PPIL2: variants seen among roughly 807,000 people sequenced by gnomAD.
PPIL2 encodes RING-type E3 ubiquitin-protein ligase PPIL2.
A neutral mutation model predicts 75.2 loss-of-function variants in PPIL2; 50 were observed. The observed-to-expected ratio is 0.66, with a 90% CI of 0.53 to 0.84. PPIL2 has a LOEUF of 0.84. Ranked by LOEUF, PPIL2 falls within the 40% of genes least tolerant of loss-of-function variation. The probability of loss-of-function intolerance (pLI) is 0.00; values close to 1 mark genes in which losing one functional copy is unlikely to be tolerated. For synonymous variants in PPIL2, 245 were observed against 258.8 expected, an observed-to-expected ratio of 0.95 and a Z score of 0.51; for missense variants, 590 against 685.0, an observed-to-expected ratio of 0.86 and a Z score of 1.55.
At chr22:21,669,513 T>G (rs1324704787) in intron 1 of PPIL2, 2 of 352,916 alleles carry the variant, frequency 5.7e-6, no homozygotes, top group African/African-American at 4.3e-5. Flanking sequence ...GTTTGTTTGT[T>G]TTTTTGAGAC....
At chr22:21,671,530 C>T (rs539630908) in intron 4 of PPIL2, among the ~76,000 whole-genome samples, 87 of 152,132 alleles carry the variant, frequency 5.7e-4, no homozygotes, top group African/African-American at 2.0e-3. Flanking sequence ...CTTTTTTCCC[C>T]GTGTGATTCA....
intron 6 of PPIL2, 48 bp from the exon 7 acceptor site, chr22:21,681,251 C>A: frequency 6.8e-7 from 1 of 1,477,470 alleles, no homozygotes; most frequent in South Asian, 1.1e-5. Flanking sequence ...CTGGGATGTT[C>A]ACAGCCCACA....
rs753714870 is a variant in PPIL2 at position 21,681,288 on chromosome 22, C to T, written c.296-11C>T. ...AGGTGACTGGCCTCCCTGTGTGTGCCTTCTCTCTAGGGAAGTACCACTGCC... is the reference window on the plus strand; with the variant it reads ...AGGTGACTGGCCTCCCTGTGTGTGCTTTCTCTCTAGGGAAGTACCACTGCC... On this transcript the variant is annotated splice_polypyrimidine_tract_variant and intron_variant, in intron 6 of 19. Coordinates refer to ENST00000398831, the MANE Select transcript of PPIL2 (RefSeq NM_014337.4). 6.2e-7 allele frequency: 1 copy of T among 1,606,916 alleles called. No individual in the cohort carries two copies. The highest frequency in any genetic ancestry group is 8.5e-7 in the Non-Finnish European group (1 of 1,173,564).
intron 6 of PPIL2, among the ~76,000 whole-genome samples, chr22:21,680,859 C>CAA (rs1226445512): frequency 7.6e-6 from 1 of 132,250 alleles, no homozygotes; most frequent in African/African-American, 2.8e-5. Context: ...AAAAACAGAG[C>CAA]AAAACAAAAA....
chr22:21,688,877 C>T, intron 15 of PPIL2, 28 bp downstream of exon 15: 1 of 1,599,462 alleles, frequency 6.3e-7, no homozygotes, highest in Non-Finnish European at 8.6e-7. Flanking sequence ...GCTGGGGTGG[C>T]CTGGGAGGTG....
rs1305894002 is a variant in PPIL2 at position 21,696,738 on chromosome 22, A to G, written c.*1248A>G. 2 of 1,539,180 alleles carry G rather than the reference A, an allele frequency of 1.3e-6. No individual in the cohort carries two copies. The highest frequency in any genetic ancestry group is 1.7e-6 in the Non-Finnish European group (2 of 1,146,644). ...TCATTTTTGTTGCCCCAAATCTTGA[A>G]CCTGTCAGCAACTTGCAGGCTGTAC... On this transcript the variant is annotated 3_prime_UTR_variant, in exon 20 of 20. Transcript: ENST00000398831.
In PPIL2 at chr22:21,682,501, C is replaced by G; in HGVS notation, c.452C>G (p.Ser151Cys). ...GACCTGCTGACCGACGAGCCCTTCT[C>G]CCGGCAGGACATCATCACCCTCCAG... ...FRDLLTDEPF[S>C]RQDIITLQDP... The change falls in exon 8 of 20, where the codon TCC becomes TGC. Residue 151 changes from serine to cysteine, a missense_variant. By Grantham distance (112) the Ser-to-Cys change is moderately radical. Transcript: ENST00000398831. The G allele has an allele frequency of 1.2e-6, 2 of 1,600,152 alleles. No homozygotes were observed. Among genetic ancestry groups the G allele is most frequent in the Non-Finnish European group, 1.7e-6 (2 of 1,173,822 alleles).
At chr22:21,675,145 G>T (rs2066785784) in intron 6 of PPIL2, 30 bp downstream of exon 6, 1 of 1,592,436 alleles carries the variant, frequency 6.3e-7, no homozygotes, top group Admixed American at 1.7e-5. Context: ...CCAATTCTGG[G>T]CTTGACCTGC....
chr22:21,697,060 C>T lies in PPIL2; in HGVS notation c.*1570C>T. The T allele has an allele frequency of 6.9e-7, 1 of 1,454,176 alleles. No homozygotes were observed. Among genetic ancestry groups the T allele is most frequent in the Non-Finnish European group, 9.3e-7 (1 of 1,077,882 alleles). The allele number at this position is 1,454,176 out of a possible 1,614,324, so 90.1% of individuals were successfully genotyped here. On this transcript the variant is annotated 3_prime_UTR_variant, in exon 20 of 20. Coordinates refer to ENST00000398831, the MANE Select transcript of PPIL2 (RefSeq NM_014337.4). ...TGTGACCATTGGTCGGGCCCCTGGG[C>T]TCTAGAGTGACTTTTGACGCCCTCC...
chr22:21,677,533 C>T (rs1173688102), intron 6 of PPIL2, among the ~76,000 whole-genome samples: 6 of 152,116 alleles, frequency 3.9e-5, no homozygotes, highest in African/African-American at 9.7e-5. Context: ...CGTCTCCACC[C>T]AAAAAATACG....
At position 21,696,158 on chromosome 22, in the gene PPIL2, C is replaced by T. The variant is rs926311933; in HGVS notation, c.*668C>T. 9.0e-6 allele frequency: 9 copies of T among 998,898 alleles called. No individual in the cohort carries two copies. The highest frequency in any genetic ancestry group is 3.5e-5 in the African/African-American group (2 of 57,446). 61.9% of individuals were successfully genotyped at this position (998,898 alleles called of 1,614,324 possible). A position where few individuals can be genotyped will look rare whatever the true frequency, so the allele number is the denominator to read the frequency against. On this transcript the variant is annotated 3_prime_UTR_variant, in exon 20 of 20. Coordinates refer to ENST00000398831, the MANE Select transcript of PPIL2 (RefSeq NM_014337.4). ...GGCTTCTCGGTCTGTTTTGACAAAA[C>T]TTCAGGGGCTTCTGAAGGCTGGTGT...
chr22:21,696,619 A>C lies in PPIL2; in HGVS notation c.*1129A>C. 1 of 1,496,006 alleles carries C rather than the reference A, an allele frequency of 6.7e-7. No individual in the cohort carries two copies. 92.7% of individuals were successfully genotyped at this position (1,496,006 alleles called of 1,614,324 possible). ...TCATGTCATGGACTCTCCTTGCCTG[A>C]CACTTGCCTCTTGGGCTCCCTGTTG... On this transcript the variant is annotated 3_prime_UTR_variant, in exon 20 of 20. Coordinates refer to ENST00000398831, the MANE Select transcript of PPIL2 (RefSeq NM_014337.4).
intron 1 of PPIL2, 66 bp downstream of exon 1, chr22:21,666,197 C>A: frequency 6.6e-7 from 1 of 1,522,094 alleles, no homozygotes; most frequent in Non-Finnish European, 9.0e-7. Context: ...TCCCGCACTG[C>A]GCGCCGCTCG....
At chr22:21,684,954 T>C (rs1014653683) in intron 10 of PPIL2, 41 bp downstream of exon 10, 26 of 1,606,146 alleles carry the variant, frequency 1.6e-5, no homozygotes, top group African/African-American at 2.7e-5. Context: ...AAGCCCCGTC[T>C]TCCTGCCCAT....
In PPIL2 at chr22:21,696,573, C is replaced by G. The variant is rs529153878; in HGVS notation, c.*1083C>G. On this transcript the variant is annotated 3_prime_UTR_variant, in exon 20 of 20. Transcript: ENST00000398831. ...GGCTGGCTTTTTCTTCGTCTTCAGC[C>G]CAGGCCAGTGGTCAGTGTTCTCATG... is the stretch of plus-strand genomic sequence containing the variant. 1 of 1,420,030 alleles carries G rather than the reference C, an allele frequency of 7.0e-7. No individual in the cohort carries two copies. Among genetic ancestry groups the G allele is most frequent in the African/African-American group, 1.4e-5 (1 of 69,528 alleles). The allele number at this position is 1,420,030 out of a possible 1,614,324, so 88.0% of individuals were successfully genotyped here.
intron 10 of PPIL2, 148 bp from the exon 11 acceptor site, chr22:21,686,335 C>T: frequency 4.3e-6 from 3 of 695,432 alleles, no homozygotes; most frequent in Middle Eastern, 3.0e-4. Flanking sequence ...CTTCCTCCTG[C>T]TGGTTGGGGA....
At position 21,666,118 on chromosome 22, in the gene PPIL2, CAAAAGGACAAAATGT is replaced by C; in HGVS notation, c.22_32+4del. ...CTCCGCCATGGGGAAGCGACAGCAC[CAAAAGGACAAAATGT>C]AAGTTGAGCCGCAGTCGGGAGCGGC... On this transcript the variant is annotated splice_donor_variant and coding_sequence_variant, in exon 1 of 20. Transcript: ENST00000398831. LOFTEE classifies it high-confidence loss of function. The C allele has an allele frequency of 6.2e-7, 1 of 1,613,712 alleles. No homozygotes were observed. Among genetic ancestry groups the C allele is most frequent in the South Asian group, 1.1e-5 (1 of 91,030 alleles).
At chr22:21,692,742 A>G (rs183853875) in intron 15 of PPIL2, among the ~76,000 whole-genome samples, 50 of 151,362 alleles carry the variant, frequency 3.3e-4, no homozygotes, top group African/African-American at 9.7e-4. Context: ...TGGCTAACAC[A>G]GTGAAACCCC....
intron 8 of PPIL2, 152 bp downstream of exon 8, chr22:21,682,678 G>T (rs1030941051): frequency 1.8e-6 from 1 of 560,090 alleles, no homozygotes; most frequent in African/African-American, 2.0e-5. Context: ...GCCTGGCTCT[G>T]CTTCAGCGCC....
Sources: gnomAD v4.1 joint callset for allele counts (sites outside exome capture counted in the v4.1 genomes callset) on GRCh38, gnomAD v4.1.1 for gene constraint, MANE v1.5 for transcripts, NCBI Gene and HGNC (gene_info 2026-07-23, HGNC 2026-07-21) for gene names.